CLEC16A: variants seen among roughly 807,000 people sequenced by gnomAD.
CLEC16A encodes the protein C-type lectin domain containing 16A, also known as protein CLEC16A.
CLEC16A carries 51 observed loss-of-function variants against 109.5 expected under a neutral mutation model. The ratio of observed to expected loss-of-function variants is 0.47; its 90% CI spans 0.37 to 0.59. The LOEUF is 0.59. Among genes scored for constraint, CLEC16A ranks in the 20% least tolerant of loss-of-function variants. CLEC16A has a pLI of 0.00. For synonymous variants in CLEC16A, 673 were observed against 564.2 expected (o/e 1.19, Z -2.73); for missense variants, 1,339 against 1,394.0 (o/e 0.96, Z 0.63).
intron 10 of CLEC16A, among the ~76,000 whole-genome samples, chr16:10,989,142 T>C (rs2043846529): frequency 6.6e-6 from 1 of 152,244 alleles, no homozygotes; most frequent in South Asian, 2.1e-4. Context: ...GTGTGTATAC[T>C]GTGTGTATAC....
rs377226434 is a variant in CLEC16A at position 10,983,726 on chromosome 16, C to G, written c.1071+735C>G. 1.2e-4 allele frequency among the ~76,000 whole-genome samples: 18 copies of G among 152,246 alleles called. 1 individual carries two copies. In the South Asian group the frequency reaches 3.5e-3, roughly 30 times the overall value. On this transcript the variant is annotated intron_variant, in intron 10 of 23. Transcript: ENST00000409790. ...TCAGATCCTGCTCACATGTCCTGAGCTCCAGCTGCCTTAATCCTGGTCTGA... is the reference window on the plus strand; with the variant it reads ...TCAGATCCTGCTCACATGTCCTGAGGTCCAGCTGCCTTAATCCTGGTCTGA...
At chr16:11,040,174 C>G in intron 14 of CLEC16A, 1 of 359,798 alleles carries the variant, frequency 2.8e-6, no homozygotes, top group East Asian at 5.2e-5. Context: ...CCCCACCCCG[C>G]TATGTCTGGG....
intron 19 of CLEC16A, among the ~76,000 whole-genome samples, chr16:11,115,526 C>T (rs1417360110): frequency 6.6e-6 from 1 of 152,142 alleles, no homozygotes; most frequent in Non-Finnish European, 1.5e-5. Context: ...GCACATGCCA[C>T]TACAGCCAGT....
At chr16:11,081,749 C>T (rs1263498096) in intron 19 of CLEC16A, among the ~76,000 whole-genome samples, 2 of 152,212 alleles carry the variant, frequency 1.3e-5, no homozygotes, top group African/African-American at 4.8e-5. Flanking sequence ...AGAGGCCTTT[C>T]TCCAGGAAAG....
At chr16:11,091,043 G>T (rs2050277030) in intron 19 of CLEC16A, among the ~76,000 whole-genome samples, 1 of 151,862 alleles carries the variant, frequency 6.6e-6, no homozygotes. Flanking sequence ...CAAGCACCCC[G>T]CCCACCTTGG....
At chr16:11,121,500 C>T (rs971380109) in intron 20 of CLEC16A, among the ~76,000 whole-genome samples, 2 of 152,144 alleles carry the variant, frequency 1.3e-5, no homozygotes. Context: ...TCAACGTCAC[C>T]CCAGCAGAGC....
chr16:11,157,150 A>T (rs1214357624), intron 22 of CLEC16A: 1 of 1,272,350 alleles, frequency 7.9e-7, no homozygotes, highest in East Asian at 5.7e-5. Context: ...AAGACTCTGC[A>T]AGTTCCCAGC....
rs563029968 is a variant in CLEC16A, at chr16:10,992,680, C to CTT, written c.1071+9690_1071+9691dup. 2.2e-4 allele frequency among the ~76,000 whole-genome samples: 33 copies of CTT among 152,102 alleles called. No homozygotes were observed. The East Asian group carries it at 5.4e-3, about 25-fold the overall frequency. ...TGTGAGGCAGAGGCTGGCTGCCATACTTACCCTTGTGCACTCCCTGCCTCG... is the reference window on the plus strand; with the variant it reads ...TGTGAGGCAGAGGCTGGCTGCCATACTTTTACCCTTGTGCACTCCCTGCCTCG... On this transcript the variant is annotated intron_variant, in intron 10 of 23. Transcript: ENST00000409790.
rs78610476 is a variant in CLEC16A, at chr16:11,146,646, G to C, written c.2642-19742G>C. Among the ~76,000 whole-genome samples the C allele has an allele frequency of 4.7e-3, 720 of 151,656 alleles. 8 individuals are homozygous for C. Among genetic ancestry groups the C allele is most frequent in the Middle Eastern group, 0.024 (7 of 294 alleles). On this transcript the variant is annotated intron_variant, in intron 22 of 23. Coordinates refer to ENST00000409790, the MANE Select transcript of CLEC16A (RefSeq NM_015226.3). The stretch of plus-strand genomic sequence containing the variant: ...GGGTAGGTGGATTGATTGGTGTACA[G>C]GGATAGATAGAAGCCTGGATAGATA...
At chr16:11,042,976 A>AC in intron 15 of CLEC16A, among the ~76,000 whole-genome samples, 1 of 151,364 alleles carries the variant, frequency 6.6e-6, no homozygotes, top group Non-Finnish European at 1.5e-5. Flanking sequence ...TTACATATGT[A>AC]ATATGTAAAT....
chr16:11,040,030 GC>G, intron 14 of CLEC16A, 154 bp downstream of exon 14: 1 of 913,192 alleles, frequency 1.1e-6, no homozygotes, highest in Non-Finnish European at 1.6e-6. Context: ...TGCATCCTGG[GC>G]CAGCCCTCCT....
intron 2 of CLEC16A, among the ~76,000 whole-genome samples, chr16:10,960,434 C>A (rs186990455): frequency 6.6e-6 from 1 of 152,316 alleles, no homozygotes; most frequent in Admixed American, 6.5e-5. Flanking sequence ...ATTAAACTGG[C>A]AGTTAAGGGG....
chr16:11,018,311 G>T (rs2152797345), intron 11 of CLEC16A, among the ~76,000 whole-genome samples: 1 of 150,876 alleles, frequency 6.6e-6, no homozygotes, highest in East Asian at 1.9e-4. Flanking sequence ...AAAAACAGGT[G>T]AAGAGGGCGT....
intron 18 of CLEC16A, among the ~76,000 whole-genome samples, chr16:11,054,546 T>G (rs1186895584): frequency 6.6e-6 from 1 of 152,182 alleles, no homozygotes; most frequent in East Asian, 1.9e-4. Context: ...TCTTTGCCTG[T>G]CTGACAAGTT....
At chr16:11,176,397 A>G (rs2068746896) in intron 23 of CLEC16A, among the ~76,000 whole-genome samples, 1 of 152,080 alleles carries the variant, frequency 6.6e-6, no homozygotes, top group African/African-American at 2.4e-5. Flanking sequence ...GGTTTCCTCT[A>G]GATCTCTCTC....
chr16:11,001,188 C>T (rs7200623), intron 10 of CLEC16A, among the ~76,000 whole-genome samples: 8 of 152,094 alleles, frequency 5.3e-5, no homozygotes, highest in Admixed American at 2.6e-4. Flanking sequence ...TTGGCTCGAG[C>T]GATCCTTCTA....
rs558476525 is a variant in CLEC16A at position 11,154,022 on chromosome 16, T to G, written c.2642-12366T>G. Among the ~76,000 whole-genome samples, 13 of 152,312 alleles carry G rather than the reference T, an allele frequency of 8.5e-5. 1 individual carries two copies. The East Asian group carries it at 2.5e-3, about 29-fold the overall frequency. The stretch of plus-strand genomic sequence containing the variant: ...CTAAGCATTTTGTTGAAGCTACCGA[T>G]TTTGGAAATGAAAGGATGAATGTAG... On this transcript the variant is annotated intron_variant, in intron 22 of 23. Coordinates refer to ENST00000409790, the MANE Select transcript of CLEC16A (RefSeq NM_015226.3).
At chr16:11,082,029 C>CT (rs1249440840) in intron 19 of CLEC16A, among the ~76,000 whole-genome samples, 1 of 151,886 alleles carries the variant, frequency 6.6e-6, no homozygotes, top group Non-Finnish European at 1.5e-5. Flanking sequence ...GAGAATCCGT[C>CT]TAAAAAAAAG....
At chr16:11,040,026 C>G (rs1049689365) in intron 14 of CLEC16A, 150 bp downstream of exon 14, 1 of 947,834 alleles carries the variant, frequency 1.1e-6, no homozygotes, top group Non-Finnish European at 1.5e-6. Flanking sequence ...CCCCTGCATC[C>G]TGGGCCAGCC....
Sources: allele counts gnomAD v4.1 joint callset (sites outside exome capture counted in the v4.1 genomes callset), GRCh38; gene constraint gnomAD v4.1.1; transcripts MANE v1.5; gene names NCBI Gene and HGNC (gene_info 2026-07-23, HGNC 2026-07-21).